The following UGT1A10 variants were observed in gnomAD, a reference collection of about 807,000 sequenced individuals.
UGT1A10 encodes the protein UDP glucuronosyltransferase family 1 member A10.
In UGT1A10, 49 loss-of-function variants were observed where a neutral mutation model predicts 45.8. The ratio of observed to expected loss-of-function variants is 1.07; its 90% CI spans 0.85 to 1.36. UGT1A10 has a LOEUF of 1.36. Among genes scored for constraint, UGT1A10 ranks in the 40% most tolerant of loss-of-function variants. The pLI is 0.00. For missense variants in UGT1A10, 745 were observed against 668.6 expected, an observed-to-expected ratio of 1.11 and a Z score of -1.26; for synonymous variants, 284 against 249.7, an observed-to-expected ratio of 1.14 and a Z score of -1.29.
chr2:233,676,793 T>G (rs933998892), intron 1 of UGT1A10, among the ~76,000 whole-genome samples: 2 of 152,226 alleles, frequency 1.3e-5, no homozygotes, highest in African/African-American at 4.8e-5. Flanking sequence ...GGTCTTTTCT[T>G]GTTTTCTTGC....
chr2:233,668,011 T>C (rs914662867), intron 1 of UGT1A10, among the ~76,000 whole-genome samples: 1 of 152,152 alleles, frequency 6.6e-6, no homozygotes, highest in Admixed American at 6.5e-5. Flanking sequence ...AATTCCCATA[T>C]ATCTTTTGCC....
intron 1 of UGT1A10, chr2:233,743,204 C>A (rs187896113): frequency 1.0e-4 from 39 of 388,848 alleles, no homozygotes; most frequent in Non-Finnish European, 1.8e-4. Flanking sequence ...GGTGTCAATG[C>A]GGAGTAACTG....
chr2:233,647,711 G>A (rs1181319937), intron 1 of UGT1A10, among the ~76,000 whole-genome samples: 1 of 152,166 alleles, frequency 6.6e-6, no homozygotes, highest in African/African-American at 2.4e-5. Flanking sequence ...TTTAATACCT[G>A]TAGAATTTAT....
intron 1 of UGT1A10, chr2:233,672,877 T>C: frequency 6.6e-7 from 1 of 1,515,450 alleles, no homozygotes; most frequent in Non-Finnish European, 8.8e-7. Context: ...TTTGACATTT[T>C]CATTTGTTTC....
chr2:233,743,385 C>T, intron 1 of UGT1A10: 1 of 1,211,156 alleles, frequency 8.3e-7, no homozygotes, highest in Non-Finnish European at 1.1e-6. Flanking sequence ...TACCGTAGGA[C>T]ATGCAGAAGG....
chr2:233,729,943 A>G (rs2077957237), intron 1 of UGT1A10: 2 of 1,613,936 alleles, frequency 1.2e-6, no homozygotes, highest in Admixed American at 1.7e-5. Context: ...CATGCCCAAC[A>G]TGGTCTTCAT....
At chr2:233,766,900 T>A (rs1336240432) in intron 1 of UGT1A10, 134 bp from the exon 2 acceptor site, 2 of 1,488,982 alleles carry the variant, frequency 1.3e-6, no homozygotes, top group Admixed American at 4.8e-5. Flanking sequence ...ATATTAATAA[T>A]TTTTTACTCT....
intron 1 of UGT1A10, chr2:233,760,508 A>T (rs983416663): frequency 5.0e-6 from 8 of 1,614,272 alleles, no homozygotes; most frequent in Non-Finnish European, 6.8e-6. Flanking sequence ...GGAGCATTTT[A>T]CACCTTGAAG....
intron 1 of UGT1A10, among the ~76,000 whole-genome samples, chr2:233,681,200 A>C (rs1396853022): frequency 6.6e-6 from 1 of 151,938 alleles, no homozygotes; most frequent in Non-Finnish European, 1.5e-5. Flanking sequence ...CGAACATGAG[A>C]TGCCAATTTC....
intron 1 of UGT1A10, among the ~76,000 whole-genome samples, chr2:233,725,596 A>G (rs1198733285): frequency 6.6e-6 from 1 of 152,166 alleles, no homozygotes; most frequent in East Asian, 1.9e-4. Context: ...ACTATTTGAC[A>G]TAGTTTTTTC....
intron 1 of UGT1A10, among the ~76,000 whole-genome samples, chr2:233,684,329 C>T (rs2074674843): frequency 6.6e-6 from 1 of 152,170 alleles, no homozygotes; most frequent in Non-Finnish European, 1.5e-5. Context: ...TTGTAGGACG[C>T]TAAGAGGATA....
chr2:233,731,651 A>G (rs190900877), intron 1 of UGT1A10, among the ~76,000 whole-genome samples: 118 of 152,290 alleles, frequency 7.7e-4, no homozygotes, highest in Admixed American at 1.5e-3. Context: ...TCCATGGTGT[A>G]TATGTGCCAC....
chr2:233,695,574 C>T (rs1290586951), intron 1 of UGT1A10, among the ~76,000 whole-genome samples: 3 of 151,864 alleles, frequency 2.0e-5, no homozygotes, highest in Non-Finnish European at 4.4e-5. Context: ...ACCCCCCCTT[C>T]CCTACTTACC....
Position 233,636,976 on chromosome 2 carries a change from A to G in UGT1A10, c.454A>G (p.Thr152Ala), listed in dbSNP as rs1403334601. The change falls in exon 1 of 5, where the codon ACC becomes GCC. Residue 152 changes from threonine (T) to alanine (A), a missense_variant. Thr to Ala is a moderately conservative substitution (Grantham distance 58, BLOSUM62 0). Coordinates refer to ENST00000344644, the MANE Select transcript of UGT1A10 (RefSeq NM_019075.4). Reference protein sequence around the residue: ...FDAVFLDPFDTCGLIVAKYFS... With the variant: ...FDAVFLDPFDACGLIVAKYFS... ...TGCAGTGTTTCTGGATCCTTTTGAT[A>G]CCTGTGGCTTAATTGTTGCTAAATA... 5.0e-6 allele frequency: 8 copies of G among 1,613,982 alleles called. 1 individual carries two copies. Among genetic ancestry groups the G allele is most frequent in the East Asian group, 2.2e-5 (1 of 44,888 alleles).
In UGT1A10 at chr2:233,769,710, C is replaced by T. The variant is rs1472517831; in HGVS notation, c.1295+1271C>T. 9.9e-6 allele frequency: 15 copies of T among 1,507,706 alleles called. No homozygotes were observed. Among genetic ancestry groups the T allele is most frequent in the African/African-American group, 1.4e-5 (1 of 72,712 alleles). The allele number at this position is 1,507,706 out of a possible 1,614,324, so 93.4% of individuals were successfully genotyped here. A position where few individuals can be genotyped will look rare whatever the true frequency, so the allele number is the denominator to read the frequency against. On this transcript the variant is annotated intron_variant, in intron 4 of 4. Transcript: ENST00000344644. The surrounding 1 kb of genome is among the most constrained non-coding windows in gnomAD (Gnocchi z 4.4). ...GCACTGGATAAAAGATCAATGTTGG[C>T]TAGGCACCATGGCACACGCCTGTAG...
chr2:233,724,364 G>T (rs1172748596), intron 1 of UGT1A10, among the ~76,000 whole-genome samples: 6 of 145,700 alleles, frequency 4.1e-5, no homozygotes, highest in South Asian at 4.7e-4. Context: ...CCTCCCGGAC[G>T]GGGTGGCTGC....
At chr2:233,718,464 C>A (rs2076655519) in intron 1 of UGT1A10, among the ~76,000 whole-genome samples, 1 of 152,218 alleles carries the variant, frequency 6.6e-6, no homozygotes, top group Non-Finnish European at 1.5e-5. Flanking sequence ...CAGACCTCAG[C>A]TGCAGCCTGA....
chr2:233,689,784 G>T (rs905973456), intron 1 of UGT1A10: 5 of 409,516 alleles, frequency 1.2e-5, no homozygotes, highest in Non-Finnish European at 2.4e-5. Flanking sequence ...CATATGTTAT[G>T]ATGTGATCTG....
intron 1 of UGT1A10, chr2:233,717,870 G>A (rs909947409): frequency 5.9e-5 from 27 of 454,752 alleles, no homozygotes; most frequent in African/African-American, 4.4e-4. Flanking sequence ...GGATTGACTT[G>A]GAGAAAAGCC....
Sources: gnomAD v4.1 joint callset for allele counts (sites outside exome capture counted in the v4.1 genomes callset) on GRCh38, gnomAD v4.1.1 for gene constraint, Gnocchi (gnomAD v3.1) non-coding constraint, MANE v1.5 for transcripts, NCBI Gene and HGNC (gene_info 2026-07-23, HGNC 2026-07-21) for gene names.